DIP2C: variants seen among roughly 807,000 people sequenced by gnomAD.
DIP2C encodes the protein disco-interacting protein 2 homolog C.
In DIP2C, 33 loss-of-function variants were observed where a neutral mutation model predicts 192.4. The observed-to-expected ratio is 0.17, with a 90% CI of 0.13 to 0.23. The LOEUF (loss-of-function observed/expected upper bound fraction) is 0.23. Among genes scored for constraint, DIP2C ranks in the 10% least tolerant of loss-of-function variants. DIP2C has a pLI of 1.00. For missense variants in DIP2C, 1,537 were observed against 2,110.1 expected (o/e 0.73, Z 5.32); for synonymous variants, 979 against 864.1 (o/e 1.13, Z -2.33).
intron 22 of DIP2C, among the ~76,000 whole-genome samples, chr10:358,582 AAAGTGGGGAAGAAGGGGGGGTGGG>A (rs1959177120): frequency 1.6e-5 from 1 of 61,652 alleles, no homozygotes; most frequent in Admixed American, 1.8e-4. Context: ...CCAACTGGGG[AAAGTGGGGAAGAAGGGGGGGTGGG>A]AGGTGGGGGA....
chr10:490,329 C>G (rs995413727), intron 1 of DIP2C, among the ~76,000 whole-genome samples: 6 of 152,230 alleles, frequency 3.9e-5, no homozygotes, highest in Non-Finnish European at 7.3e-5. Context: ...GCTACGTAAA[C>G]TAAAGGCGCA....
intron 1 of DIP2C, among the ~76,000 whole-genome samples, chr10:594,405 A>G (rs535941959): frequency 6.6e-6 from 1 of 152,126 alleles, no homozygotes; most frequent in South Asian, 2.1e-4. Flanking sequence ...AACCATTTCA[A>G]CATAAGGGAA....
intron 1 of DIP2C, among the ~76,000 whole-genome samples, chr10:535,486 A>G (rs1352008097): frequency 6.6e-6 from 1 of 152,024 alleles, no homozygotes; most frequent in Non-Finnish European, 1.5e-5. Context: ...ATCTTTGGTA[A>G]TGAGGGGCAT....
At chr10:411,809 A>G (rs1049734553) in intron 8 of DIP2C, among the ~76,000 whole-genome samples, 6 of 152,234 alleles carry the variant, frequency 3.9e-5, no homozygotes, top group Admixed American at 2.6e-4. Context: ...TCATGCGTTC[A>G]TCTACGTTAG....
chr10:344,354 G>A (rs546279923), intron 28 of DIP2C, among the ~76,000 whole-genome samples: 2 of 140,320 alleles, frequency 1.4e-5, no homozygotes, highest in African/African-American at 5.2e-5. Context: ...GGGGGCAGAC[G>A]GCACACAAGG....
chr10:504,974 G>GTTCATTCA (rs112147101), intron 1 of DIP2C, among the ~76,000 whole-genome samples: 9 of 152,092 alleles, frequency 5.9e-5, no homozygotes, highest in South Asian at 2.1e-4. Flanking sequence ...TGCTAGGTTC[G>GTTCATTCA]TTCATTCATT....
Position 337,032 on chromosome 10 carries a change from TTGTGGAGGCCTAGACTG to T in DIP2C, c.3584+4150_3584+4166del, listed in dbSNP as rs1181738726. Among the ~76,000 whole-genome samples the T allele has an allele frequency of 7.6e-4, 36 of 47,140 alleles. 4 individuals are homozygous for T. Among genetic ancestry groups the T allele is most frequent in the African/African-American group, 2.6e-3 (26 of 9,900 alleles). 30.9% of individuals were successfully genotyped at this position (47,140 alleles called of 152,430 possible). A position where few individuals can be genotyped will look rare whatever the true frequency, so the allele number is the denominator to read the frequency against. ...GCAGCTGTGTGTGTGTGTGTGTGTG[TTGTGGAGGCCTAGACTG>T]GTGTGTGTGTGTGTGTGTGTGTGTT... On this transcript the variant is annotated intron_variant, in intron 29 of 36. Transcript: ENST00000280886.
chr10:526,071 C>G (rs1225631933), intron 1 of DIP2C, among the ~76,000 whole-genome samples: 1 of 152,194 alleles, frequency 6.6e-6, no homozygotes, highest in Non-Finnish European at 1.5e-5. Flanking sequence ...CCTACACTCA[C>G]CATCGGTCCC....
At chr10:301,348 G>A (rs1956035883) in intron 32 of DIP2C, among the ~76,000 whole-genome samples, 1 of 152,234 alleles carries the variant, frequency 6.6e-6, no homozygotes, top group Non-Finnish European at 1.5e-5. Context: ...ATGTCAGAGG[G>A]AGGGGATGCT....
At chr10:472,386 G>A (rs568351310) in intron 3 of DIP2C, 53 bp downstream of exon 3, 43 of 1,547,354 alleles carry the variant, frequency 2.8e-5, no homozygotes, top group East Asian at 4.5e-5. Flanking sequence ...CACAGGCACC[G>A]TCCTGGCACA....
At chr10:415,612 C>T (rs1378176150) in intron 7 of DIP2C, among the ~76,000 whole-genome samples, 157 bp downstream of exon 7, 1 of 152,176 alleles carries the variant, frequency 6.6e-6, no homozygotes, top group Non-Finnish European at 1.5e-5. Context: ...CCAAGGCTGC[C>T]TGGGAACATC....
intron 4 of DIP2C, among the ~76,000 whole-genome samples, chr10:435,030 C>A (rs768558841): frequency 1.3e-5 from 2 of 152,174 alleles, no homozygotes; most frequent in African/African-American, 2.4e-5. Flanking sequence ...GGTTTGGTGT[C>A]TGGCATTAAT....
chr10:320,815 A>G (rs532560586), intron 31 of DIP2C, among the ~76,000 whole-genome samples: 136 of 152,360 alleles, frequency 8.9e-4, no homozygotes, highest in African/African-American at 2.7e-3. Context: ...CACAGAGCAG[A>G]AGCGACATGG....
intron 1 of DIP2C, among the ~76,000 whole-genome samples, chr10:557,827 A>AGGC (rs1848980026): frequency 2.1e-4 from 8 of 37,644 alleles, no homozygotes; most frequent in Admixed American, 5.8e-4. Flanking sequence ...AGGGGGCAGG[A>AGGC]AGGCAGGCAG....
At chr10:421,881 G>A (rs1008505033) in intron 5 of DIP2C, among the ~76,000 whole-genome samples, 63 of 152,164 alleles carry the variant, frequency 4.1e-4, no homozygotes, top group African/African-American at 1.4e-3. Context: ...AACGGCCGAC[G>A]CTTTAAGTCT....
At chr10:347,391 G>A (rs1222970916) in intron 26 of DIP2C, among the ~76,000 whole-genome samples, 4 of 113,348 alleles carry the variant, frequency 3.5e-5, no homozygotes, top group Non-Finnish European at 5.3e-5. Context: ...TCCCGGAAAC[G>A]TCACACGCAC....
intron 16 of DIP2C, among the ~76,000 whole-genome samples, chr10:383,794 G>C (rs1238205680): frequency 1.3e-5 from 2 of 152,070 alleles, no homozygotes; most frequent in African/African-American, 4.8e-5. Flanking sequence ...GTCTACAAAT[G>C]CCTGTCCTTA....
chr10:414,850 ATT>A (rs34258636), intron 7 of DIP2C, among the ~76,000 whole-genome samples: 2 of 89,750 alleles, frequency 2.2e-5, no homozygotes, highest in Non-Finnish European at 2.1e-5. Context: ...ACACATATAT[ATT>A]TGTGTGTGTG....
At chr10:644,258 G>A (rs1004985709) in intron 1 of DIP2C, among the ~76,000 whole-genome samples, 15 of 152,240 alleles carry the variant, frequency 9.9e-5, no homozygotes, top group Non-Finnish European at 2.9e-5. Context: ...TGGGGAGGCT[G>A]CAGGAGGCTT....
Sources: gnomAD v4.1 joint callset for allele counts (sites outside exome capture counted in the v4.1 genomes callset) on GRCh38, gnomAD v4.1.1 for gene constraint, MANE v1.5 for transcripts, NCBI Gene and HGNC (gene_info 2026-07-23, HGNC 2026-07-21) for gene names.